The following DENND5A variants were observed in gnomAD, a reference collection of about 807,000 sequenced individuals.
DENND5A encodes the protein DENN domain containing 5A.
DENND5A carries 64 observed loss-of-function variants against 140.3 expected under a neutral mutation model. That is an observed-to-expected ratio of 0.46 (90% CI 0.37 to 0.56). The LOEUF (loss-of-function observed/expected upper bound fraction) is 0.56, where lower values mean the gene tolerates loss of function less well. Among genes scored for constraint, DENND5A ranks in the 20% least tolerant of loss-of-function variants. The pLI, the probability that DENND5A is intolerant of heterozygous loss-of-function variation, is 0.00. For synonymous variants in DENND5A, 605 were observed against 607.7 expected (o/e 1.00, Z 0.07); for missense variants, 1,292 against 1,593.8 (o/e 0.81, Z 3.22).
chr11:9,263,830 C>T (rs1443806681), intron 1 of DENND5A, among the ~76,000 whole-genome samples: 1 of 107,468 alleles, frequency 9.3e-6, no homozygotes, highest in Non-Finnish European at 1.7e-5. Context: ...GCCTGGGCGA[C>T]AGAGCGAGAC....
intron 1 of DENND5A, among the ~76,000 whole-genome samples, chr11:9,221,080 TA>T (rs1289962751): frequency 1.3e-5 from 2 of 151,508 alleles, no homozygotes; most frequent in African/African-American, 4.9e-5. Context: ...AGACACTGTC[TA>T]AAAAAAGAAT....
At chr11:9,234,337 A>G (rs1001192675) in intron 1 of DENND5A, among the ~76,000 whole-genome samples, 1 of 152,006 alleles carries the variant, frequency 6.6e-6, no homozygotes, top group Non-Finnish European at 1.5e-5. Flanking sequence ...AAATGAGCAA[A>G]AAGAGAAATT....
At chr11:9,249,190 C>T (rs906988973) in intron 1 of DENND5A, among the ~76,000 whole-genome samples, 3 of 150,728 alleles carry the variant, frequency 2.0e-5, no homozygotes, top group African/African-American at 7.3e-5. Flanking sequence ...ATAGTGCCAC[C>T]GCACTCCAGC....
intron 1 of DENND5A, among the ~76,000 whole-genome samples, chr11:9,233,623 A>T (rs554016403): frequency 6.9e-4 from 105 of 152,244 alleles, no homozygotes; most frequent in Admixed American, 3.8e-3. Flanking sequence ...TCCCTAAAAT[A>T]ATAGACACAG....
chr11:9,161,066 G>A (rs1847966909), intron 11 of DENND5A, among the ~76,000 whole-genome samples: 1 of 152,194 alleles, frequency 6.6e-6, no homozygotes, highest in African/African-American at 2.4e-5. Flanking sequence ...AGTTAAGAAA[G>A]GCCAGGTGTG....
chr11:9,238,486 G>C (rs950346233), intron 1 of DENND5A, among the ~76,000 whole-genome samples: 2 of 150,638 alleles, frequency 1.3e-5, no homozygotes, highest in Non-Finnish European at 2.9e-5. Context: ...GCGCCATCTC[G>C]GCTCACTGCA....
At chr11:9,144,465 G>C (rs79050597) in intron 18 of DENND5A, among the ~76,000 whole-genome samples, 187 bp from the exon 19 acceptor site, 1,983 of 152,266 alleles carry the variant, frequency 0.013, 49 homozygotes, top group African/African-American at 0.045. Flanking sequence ...CCTGGGATCT[G>C]GGCACAGCAA....
intron 10 of DENND5A, among the ~76,000 whole-genome samples, chr11:9,168,054 T>C (rs995319728): frequency 2.0e-5 from 3 of 152,002 alleles, no homozygotes; most frequent in African/African-American, 7.3e-5. Context: ...GACTAACCTC[T>C]TTTGTCACCT....
chr11:9,224,729 G>A (rs907866789), intron 1 of DENND5A, among the ~76,000 whole-genome samples: 10 of 151,522 alleles, frequency 6.6e-5, no homozygotes, highest in Admixed American at 1.3e-4. Flanking sequence ...GTGGTGGCGC[G>A]CGCCTGTAAT....
At chr11:9,236,311 C>A (rs1195774324) in intron 1 of DENND5A, among the ~76,000 whole-genome samples, 1 of 151,740 alleles carries the variant, frequency 6.6e-6, no homozygotes, top group Non-Finnish European at 1.5e-5. Flanking sequence ...GCAGGCGTAT[C>A]ACCTGAGGTC....
chr11:9,172,856 C>G (rs1848416007), intron 8 of DENND5A, among the ~76,000 whole-genome samples: 2 of 151,976 alleles, frequency 1.3e-5, no homozygotes, highest in Admixed American at 1.3e-4. Flanking sequence ...CATTCTGTCG[C>G]CCGGGCTAGA....
At chr11:9,152,960 T>C (rs1287059428) in intron 12 of DENND5A, among the ~76,000 whole-genome samples, 1 of 146,962 alleles carries the variant, frequency 6.8e-6, no homozygotes, top group Non-Finnish European at 1.5e-5. Flanking sequence ...ATCGCACCAT[T>C]GCACTCCAGC....
At chr11:9,252,243 C>T (rs1415516710) in intron 1 of DENND5A, among the ~76,000 whole-genome samples, 6 of 147,606 alleles carry the variant, frequency 4.1e-5, no homozygotes, top group Admixed American at 2.7e-4. Context: ...GGTTGCAGTG[C>T]CGCAGTCACA....
chr11:9,223,002 G>T (rs1175000203), intron 1 of DENND5A, among the ~76,000 whole-genome samples: 1 of 152,226 alleles, frequency 6.6e-6, no homozygotes, highest in African/African-American at 2.4e-5. Context: ...GTCAAAGAAA[G>T]AATCCTTTTT....
At chr11:9,233,018 A>G (rs1850835888) in intron 1 of DENND5A, among the ~76,000 whole-genome samples, 1 of 152,228 alleles carries the variant, frequency 6.6e-6, no homozygotes, top group Non-Finnish European at 1.5e-5. Context: ...ATGAAAAACT[A>G]TGCTGTTAGA....
rs1052029521 is a variant in DENND5A, at chr11:9,143,024, G to A, written c.3388-179C>T. ...TCAGAGCAGCTCCCAGTGAAGAGCT[G>A]CTGAATAAATGGATGAAAGAAGAGA... On this transcript the variant is annotated intron_variant, in intron 20 of 22. Coordinates refer to ENST00000328194, the MANE Select transcript of DENND5A (RefSeq NM_015213.4). 3 of 700,104 alleles carry A rather than the reference G, an allele frequency of 4.3e-6. No individual in the cohort carries two copies. The African/African-American group carries it at 5.4e-5, about 13-fold the overall frequency. 43.4% of individuals were successfully genotyped at this position (700,104 alleles called of 1,614,324 possible).
chr11:9,179,561 G>A (rs962508050), intron 6 of DENND5A, among the ~76,000 whole-genome samples: 4 of 150,022 alleles, frequency 2.7e-5, no homozygotes, highest in Admixed American at 6.7e-5. Flanking sequence ...GTGCAATGGC[G>A]CCATCTCGGC....
In DENND5A at chr11:9,198,567, C is replaced by T. The variant is rs1402820694; in HGVS notation, c.950-4886G>A. Among the ~76,000 whole-genome samples, 6 of 150,338 alleles carry T rather than the reference C, an allele frequency of 4.0e-5. 1 individual carries two copies. Among genetic ancestry groups the T allele is most frequent in the Non-Finnish European group, 7.4e-5 (5 of 67,626 alleles). On this transcript the variant is annotated intron_variant, in intron 4 of 22. Transcript: ENST00000328194. The stretch of plus-strand genomic sequence containing the variant: ...CAGAGGTTGCAGTGAGCCGAGATTG[C>T]GCCACTGCACTCCAGCCTGGCAACA...
At chr11:9,236,391 G>A (rs955304702) in intron 1 of DENND5A, among the ~76,000 whole-genome samples, 2 of 151,144 alleles carry the variant, frequency 1.3e-5, no homozygotes, top group Non-Finnish European at 2.9e-5. Context: ...AATTAACTGG[G>A]CATGGTGACG....
Sources: gnomAD v4.1 joint callset for allele counts (sites outside exome capture counted in the v4.1 genomes callset) on GRCh38, gnomAD v4.1.1 for gene constraint, MANE v1.5 for transcripts, NCBI Gene and HGNC (gene_info 2026-07-23, HGNC 2026-07-21) for gene names.